Variants in SH3RF2 observed in about 807,000 individuals in gnomAD.
The protein encoded by SH3RF2 is SH3 domain containing ring finger 2.
Under a neutral mutation model 59.0 loss-of-function variants are expected in SH3RF2, and 43 were observed. The observed-to-expected ratio is 0.73, with a 90% confidence interval of 0.57 to 0.94. The LOEUF (loss-of-function observed/expected upper bound fraction) is 0.94. SH3RF2 is among the 40% of genes least tolerant of loss of function. SH3RF2 has a pLI of 0.00. For synonymous variants in SH3RF2, 391 were observed against 391.5 expected, an observed-to-expected ratio of 1.00 and a Z score of 0.01; for missense variants, 930 against 940.1, an observed-to-expected ratio of 0.99 and a Z score of 0.14.
chr5:146,043,888 G>A (rs983801391), intron 5 of SH3RF2: 1 of 152,128 alleles, frequency 6.6e-6, no homozygotes, highest in Non-Finnish European at 1.5e-5. Context: ...CTAGTTTTTT[G>A]TTAAAATGAA....
intron 2 of SH3RF2, among the ~76,000 whole-genome samples, chr5:145,999,855 A>G (rs1389473290): frequency 6.6e-6 from 1 of 152,242 alleles, no homozygotes; most frequent in African/African-American, 2.4e-5. Flanking sequence ...TGTGACACAG[A>G]GACACAAAGT....
downstream of SH3RF2, among the ~76,000 whole-genome samples, chr5:146,064,771 G>GAAAGAAAGA (rs1245424437): frequency 7.8e-4 from 19 of 24,426 alleles, no homozygotes; most frequent in African/African-American, 2.0e-3. Context: ...AGGAAGGAAG[G>GAAAGAAAGA]AAGGAAAGGA....
intron 2 of SH3RF2, among the ~76,000 whole-genome samples, chr5:145,985,075 G>A (rs1369959862): frequency 2.6e-5 from 4 of 152,142 alleles, no homozygotes; most frequent in Non-Finnish European, 4.4e-5. Flanking sequence ...AGGATCGCTT[G>A]AGCCCAGGAG....
At chr5:146,060,356 A>G in intron 9 of SH3RF2, 132 bp downstream of exon 9, 1 of 737,912 alleles carries the variant, frequency 1.4e-6, no homozygotes, top group Non-Finnish European at 2.1e-6. Context: ...CACACATAAC[A>G]CTCCTCCTCC....
intron 5 of SH3RF2, 127 bp downstream of exon 5, chr5:146,014,188 A>G (rs1761022437): frequency 3.4e-6 from 3 of 881,484 alleles, no homozygotes; most frequent in Non-Finnish European, 5.3e-6. Context: ...AACTAATGCC[A>G]TATGTATTCC....
chr5:146,077,383 C>A (rs1251339822), intron 9 of SH3RF2, among the ~76,000 whole-genome samples: 1 of 152,178 alleles, frequency 6.6e-6, no homozygotes, highest in Non-Finnish European at 1.5e-5. Context: ...ATTCTGGGGG[C>A]TCATGGATTT....
chr5:145,963,118 C>T (rs371556068), intron 2 of SH3RF2, among the ~76,000 whole-genome samples: 3 of 151,738 alleles, frequency 2.0e-5, no homozygotes, highest in East Asian at 3.9e-4. Context: ...TGGATGGTCT[C>T]GATCTCCTGA....
At chr5:145,949,000 G>A (rs1396378199) in intron 2 of SH3RF2, among the ~76,000 whole-genome samples, 2 of 152,214 alleles carry the variant, frequency 1.3e-5, no homozygotes, top group East Asian at 3.8e-4. Context: ...GCAAGAAACT[G>A]CGGTTAGATT....
downstream of SH3RF2, among the ~76,000 whole-genome samples, chr5:146,064,583 G>GC (rs1478212986): frequency 1.2e-4 from 1 of 8,470 alleles, no homozygotes; most frequent in East Asian, 5.1e-3. Flanking sequence ...AAGGAAGGAA[G>GC]GGGGAGAGAG....
At chr5:146,057,966 C>A (rs5002836) in intron 8 of SH3RF2, among the ~76,000 whole-genome samples, 4,785 of 72,238 alleles carry the variant, frequency 0.066, 113 homozygotes, top group East Asian at 0.11. Context: ...CTCTCTCTCT[C>A]TCTATCTATC....
rs57469278 is a variant in SH3RF2, at chr5:145,986,818, C to T, written c.379-13240C>T. Among the ~76,000 whole-genome samples the T allele has an allele frequency of 5.3e-5, 8 of 152,244 alleles. 1 individual carries two copies. Among genetic ancestry groups the T allele is most frequent in the East Asian group, 1.9e-4 (1 of 5,170 alleles). ...ATGTTTGGAGGAAAAAATGAAAATACGCCAATGGCAGCCCTGAAAAGGCAC... is the reference window on the plus strand; with the variant it reads ...ATGTTTGGAGGAAAAAATGAAAATATGCCAATGGCAGCCCTGAAAAGGCAC... On this transcript the variant is annotated intron_variant, in intron 2 of 9. Coordinates refer to ENST00000359120, the MANE Select transcript of SH3RF2 (RefSeq NM_152550.4).
At chr5:146,040,281 A>G (rs1561757276) in intron 5 of SH3RF2, among the ~76,000 whole-genome samples, 1 of 152,220 alleles carries the variant, frequency 6.6e-6, no homozygotes, top group Non-Finnish European at 1.5e-5. Context: ...CTGTTATATT[A>G]TTATTCTTTA....
At chr5:146,013,006 A>T (rs2149992613) in intron 4 of SH3RF2, among the ~76,000 whole-genome samples, 1 of 152,194 alleles carries the variant, frequency 6.6e-6, no homozygotes, top group Non-Finnish European at 1.5e-5. Context: ...TTACCAATAC[A>T]TCACTGACTA....
intron 2 of SH3RF2, among the ~76,000 whole-genome samples, chr5:145,991,026 A>C (rs781573075): frequency 4.6e-5 from 7 of 152,218 alleles, no homozygotes; most frequent in Non-Finnish European, 8.8e-5. Context: ...TCAATAATTC[A>C]TGCTATTACA....
chr5:146,012,884 T>C (rs2097969), intron 4 of SH3RF2, among the ~76,000 whole-genome samples: 94,819 of 151,854 alleles, frequency 0.62, 29,896 homozygotes, highest in Middle Eastern at 0.8. Context: ...CTGGTTGTTA[T>C]ATTTTCAGAA....
chr5:146,053,153 C>A (rs182370088), intron 7 of SH3RF2, among the ~76,000 whole-genome samples: 1 of 152,168 alleles, frequency 6.6e-6, no homozygotes, highest in African/African-American at 2.4e-5. Flanking sequence ...TAAGAGCCAG[C>A]AAGTGAGCCT....
chr5:145,992,483 T>C (rs1168677700), intron 2 of SH3RF2, among the ~76,000 whole-genome samples: 1 of 152,210 alleles, frequency 6.6e-6, no homozygotes, highest in Admixed American at 6.5e-5. Flanking sequence ...TTTTTTGTAT[T>C]AGTCTGTTTT....
At chr5:146,078,310 C>A (rs1253564954) in intron 9 of SH3RF2, 1 of 152,194 alleles carries the variant, frequency 6.6e-6, no homozygotes, top group Admixed American at 6.5e-5. Context: ...ATACTGTGTA[C>A]CTCCTGATAT....
intron 2 of SH3RF2, among the ~76,000 whole-genome samples, chr5:145,966,590 A>G (rs1167808993): frequency 6.6e-6 from 1 of 152,238 alleles, no homozygotes; most frequent in Non-Finnish European, 1.5e-5. Context: ...ATTAAAATAC[A>G]CATTCTATAT....
Sources: gnomAD v4.1 joint callset for allele counts (sites outside exome capture counted in the v4.1 genomes callset) on GRCh38, gnomAD v4.1.1 for gene constraint, MANE v1.5 for transcripts, NCBI Gene and HGNC (gene_info 2026-07-23, HGNC 2026-07-21) for gene names.